Variants in NIBAN1 observed in about 807,000 individuals in gnomAD.
NIBAN1 encodes the protein protein Niban 1.
A neutral mutation model predicts 75.1 loss-of-function variants in NIBAN1; 81 were observed. The ratio of observed to expected loss-of-function variants is 1.08; its 90% CI spans 0.90 to 1.30. The LOEUF is 1.30. Among genes scored for constraint, NIBAN1 ranks in the 50% most tolerant of loss-of-function variants. NIBAN1 has a pLI of 0.00. For synonymous variants in NIBAN1, 436 were observed against 424.8 expected, an observed-to-expected ratio of 1.03 and a Z score of -0.32; for missense variants, 1,133 against 1,128.1, an observed-to-expected ratio of 1.00 and a Z score of -0.06.
At chr1:184,887,136 A>G (rs111812178) in intron 4 of NIBAN1, among the ~76,000 whole-genome samples, 8,732 of 152,144 alleles carry the variant, frequency 0.057, 296 homozygotes, top group Middle Eastern at 0.085. Context: ...CAATCAGTCA[A>G]TCAATCAATC....
chr1:184,908,905 T>C (rs910655647), intron 1 of NIBAN1, among the ~76,000 whole-genome samples: 2 of 152,162 alleles, frequency 1.3e-5, no homozygotes, highest in Non-Finnish European at 1.5e-5. Context: ...ATTAATCTGA[T>C]ATAGCTGCTT....
At chr1:184,834,028 GC>G (rs988558647) in intron 5 of NIBAN1, among the ~76,000 whole-genome samples, 1 of 147,032 alleles carries the variant, frequency 6.8e-6, no homozygotes, top group Non-Finnish European at 1.5e-5. Context: ...CCCACAACAG[GC>G]CCCAGTGTGT....
intron 4 of NIBAN1, among the ~76,000 whole-genome samples, chr1:184,885,049 C>T (rs547953225): frequency 2.5e-4 from 38 of 152,166 alleles, no homozygotes; most frequent in African/African-American, 9.1e-4. Context: ...ACCAGGAACA[C>T]AATTTTTTCT....
chr1:184,804,840 G>C (rs1255138950), intron 11 of NIBAN1, among the ~76,000 whole-genome samples: 3 of 151,354 alleles, frequency 2.0e-5, no homozygotes, highest in African/African-American at 7.3e-5. Context: ...CAGAGCTGGA[G>C]TATAGTGGCA....
At chr1:184,961,397 A>C in intron 1 of NIBAN1, among the ~76,000 whole-genome samples, 2 of 151,116 alleles carry the variant, frequency 1.3e-5, no homozygotes, top group Non-Finnish European at 2.9e-5. Context: ...ACCAAAATAT[A>C]CTCCCCCGGT....
chr1:184,823,660 T>C lies in NIBAN1; in HGVS notation c.800A>G (p.Asp267Gly). Residue 267 changes from aspartate (D) to glycine (G), a missense_variant, in exon 7 of 14, where the codon GAC (aspartate) becomes GGC (glycine). Asp to Gly is a moderately conservative substitution (Grantham distance 94, BLOSUM62 -1). Transcript: ENST00000367511. ...LLPKMKGKKN[D>G]RKRTWLGLLE... ...TACACCAAGCCACGTCCTCTTTCTG[T>C]CATTCTTCTTCCCCTTCATCTTAGG... 6.2e-7 allele frequency: 1 copy of C among 1,614,206 alleles called. No individual in the cohort carries two copies. The highest frequency in any genetic ancestry group is 8.5e-7 in the Non-Finnish European group (1 of 1,180,016).
At chr1:184,931,964 T>C (rs1184753173) in intron 1 of NIBAN1, among the ~76,000 whole-genome samples, 3 of 152,226 alleles carry the variant, frequency 2.0e-5, no homozygotes, top group Non-Finnish European at 4.4e-5. Flanking sequence ...TCTCCCTTCC[T>C]CCAGATATCT....
In NIBAN1 at chr1:184,897,707, CACTCCG is replaced by C. The variant is rs1305661136; in HGVS notation, c.186+1466_186+1471del. Among the ~76,000 whole-genome samples the C allele has an allele frequency of 3.9e-5, 6 of 152,320 alleles. No homozygotes were observed. The East Asian group carries it at 1.2e-3, about 29-fold the overall frequency. ...CCAAAAGGGAACTCGTGATCCCATTCACTCCGACTCTTCCTTCTAAGTAAAAGGCAA... is the reference window on the plus strand; with the variant it reads ...CCAAAAGGGAACTCGTGATCCCATTCACTCTTCCTTCTAAGTAAAAGGCAA... On this transcript the variant is annotated intron_variant, in intron 2 of 13. Coordinates refer to ENST00000367511, the MANE Select transcript of NIBAN1 (RefSeq NM_052966.4).
chr1:184,798,281 T>C (rs545596069), intron 12 of NIBAN1, 91 bp from the exon 13 acceptor site: 78 of 749,806 alleles, frequency 1.0e-4, no homozygotes, highest in Non-Finnish European at 1.6e-4. Context: ...CCACTCATGA[T>C]TCTCTTCTTG....
chr1:184,960,637 G>GTTGTTGT (rs1255038713), intron 1 of NIBAN1, among the ~76,000 whole-genome samples: 1 of 59,624 alleles, frequency 1.7e-5, no homozygotes, highest in African/African-American at 6.7e-5. Context: ...TGTTGTTGTT[G>GTTGTTGT]TTGTTGTTGA....
chr1:184,900,061 C>A (rs957927520), intron 1 of NIBAN1, among the ~76,000 whole-genome samples: 2 of 152,054 alleles, frequency 1.3e-5, no homozygotes, highest in Non-Finnish European at 2.9e-5. Flanking sequence ...GATGATCTGC[C>A]CGCCTCGGCC....
At chr1:184,883,805 C>T (rs138754940) in intron 5 of NIBAN1, among the ~76,000 whole-genome samples, 1 of 152,130 alleles carries the variant, frequency 6.6e-6, no homozygotes, top group Non-Finnish European at 1.5e-5. Flanking sequence ...TTCTTATGAG[C>T]CCTAAAGTTT....
Position 184,894,197 on chromosome 1 carries a change from C to T in NIBAN1, c.196G>A (p.Ala66Thr). The change falls in exon 3 of 14, where the codon GCG (alanine) becomes ACG (threonine). Residue 66 changes from alanine to threonine, a missense_variant. Physicochemically the swap from Ala to Thr is moderately conservative, Grantham distance 58. Transcript: ENST00000367511. ...GCTTCATACAAAATAGTTCCAGGCGCCAATGGTGGCTTAAAGAAGATGAAT... is the reference window on the plus strand; with the variant it reads ...GCTTCATACAAAATAGTTCCAGGCGTCAATGGTGGCTTAAAGAAGATGAAT... ...SQFLKTKPPL[A>T]PGTILYEAEL... 5 of 1,600,826 alleles carry T rather than the reference C, an allele frequency of 3.1e-6. No homozygotes were observed. Among genetic ancestry groups the T allele is most frequent in the East Asian group, 2.3e-5 (1 of 44,376 alleles).
At chr1:184,874,875 T>A (rs1453529232) in intron 5 of NIBAN1, among the ~76,000 whole-genome samples, 1 of 151,988 alleles carries the variant, frequency 6.6e-6, no homozygotes, top group Non-Finnish European at 1.5e-5. Context: ...GGCTATAGAA[T>A]ATATATTGTT....
chr1:184,807,450 A>G (rs1314143087), intron 10 of NIBAN1, among the ~76,000 whole-genome samples: 1 of 152,162 alleles, frequency 6.6e-6, no homozygotes, highest in Non-Finnish European at 1.5e-5. Flanking sequence ...TCCTGGCTGC[A>G]TATTAGAAAC....
At chr1:184,917,506 G>A (rs1451864739) in intron 1 of NIBAN1, among the ~76,000 whole-genome samples, 3 of 151,614 alleles carry the variant, frequency 2.0e-5, no homozygotes, top group African/African-American at 7.3e-5. Context: ...ACCCTGCCCG[G>A]CCGGTCTCTT....
intron 1 of NIBAN1, among the ~76,000 whole-genome samples, chr1:184,948,129 A>G (rs1223833736): frequency 6.6e-6 from 1 of 152,234 alleles, no homozygotes; most frequent in African/African-American, 2.4e-5. Context: ...AAATAAAAAA[A>G]AAATCCTTAG....
chr1:184,887,188 G>C (rs746584069), intron 4 of NIBAN1, among the ~76,000 whole-genome samples: 1 of 152,092 alleles, frequency 6.6e-6, no homozygotes, highest in Non-Finnish European at 1.5e-5. Context: ...GGGATATATG[G>C]GAGCCCTGTT....
intron 1 of NIBAN1, among the ~76,000 whole-genome samples, chr1:184,960,075 C>T (rs1193435178): frequency 1.3e-5 from 2 of 151,974 alleles, no homozygotes; most frequent in African/African-American, 4.8e-5. Context: ...ATTGTCTAAG[C>T]AAAGCAGACA....
Sources: allele counts gnomAD v4.1 joint callset (sites outside exome capture counted in the v4.1 genomes callset), GRCh38; gene constraint gnomAD v4.1.1; transcripts MANE v1.5; gene names NCBI Gene and HGNC (gene_info 2026-07-23, HGNC 2026-07-21).